PCDHGA11: variants seen among roughly 807,000 people sequenced by gnomAD.
PCDHGA11 encodes the protein protocadherin gamma subfamily A, 11, also known as protocadherin gamma-A11.
PCDHGA11 carries 39 observed loss-of-function variants against 60.4 expected under a neutral mutation model. That is an observed-to-expected ratio of 0.65 (90% CI 0.50 to 0.84). The LOEUF (loss-of-function observed/expected upper bound fraction) is 0.84. Ranked by LOEUF, PCDHGA11 falls within the 40% of genes least tolerant of loss-of-function variation. PCDHGA11 has a pLI of 0.00. For synonymous variants in PCDHGA11, 533 were observed against 510.3 expected, an observed-to-expected ratio of 1.04 and a Z score of -0.60; for missense variants, 1,165 against 1,197.7, an observed-to-expected ratio of 0.97 and a Z score of 0.40.
At position 141,476,746 on chromosome 5, in the gene PCDHGA11, C is replaced by A; in HGVS notation, c.2434-18061C>A. 1 of 1,614,068 alleles carries A rather than the reference C, an allele frequency of 6.2e-7. No homozygotes were observed. On this transcript the variant is annotated intron_variant, in intron 1 of 3. Transcript: ENST00000398587. The surrounding 1 kb of genome is among the most constrained non-coding windows in gnomAD (Gnocchi z 7.6). ...TGGACCGAGAACGGGAGCCTAGTCT[C>A]CAGTTAGTGCTGACGGCGTTGGACG...
chr5:141,467,055 CTTTT>C (rs1193465269), intron 1 of PCDHGA11, among the ~76,000 whole-genome samples: 5 of 134,484 alleles, frequency 3.7e-5, no homozygotes, highest in Non-Finnish European at 4.9e-5. Context: ...TCAATGTTTT[CTTTT>C]TTTTTTTTTT....
Position 141,505,463 on chromosome 5 carries a change from A to G in PCDHGA11, c.2563A>G (p.Ile855Val). 1 of 1,614,184 alleles carries G rather than the reference A, an allele frequency of 6.2e-7. No homozygotes were observed. Among genetic ancestry groups the G allele is most frequent in the East Asian group, 2.2e-5 (1 of 44,876 alleles). Residue 855 changes from isoleucine to valine, a missense_variant, in exon 3 of 4, where the codon ATC (isoleucine) becomes GTC (valine). Ile to Val is a conservative substitution (Grantham distance 29). Transcript: ENST00000398587. Reference protein sequence around the residue: ...QFDTEMLQAMILASASEAADG... With the variant: ...QFDTEMLQAMVLASASEAADG... ...TGACACAGAGATGCTGCAAGCCATG[A>G]TCTTGGCGTCCGCCAGTGGTAAGTG...
Position 141,431,335 on chromosome 5 carries a change from C to G in PCDHGA11, c.2433+7675C>G, listed in dbSNP as rs747132346. On this transcript the variant is annotated intron_variant, in intron 1 of 3. Transcript: ENST00000398587. The surrounding 1 kb of genome is among the most constrained non-coding windows in gnomAD (Gnocchi z 4.8). ...ATGGAGCCGACGGTAGTAAGTACCC[C>G]GAATTGGTGCTGAAACGCGCCCTGG... 2 of 1,614,062 alleles carry G rather than the reference C, an allele frequency of 1.2e-6. No homozygotes were observed. Among genetic ancestry groups the G allele is most frequent in the Non-Finnish European group, 1.7e-6 (2 of 1,180,022 alleles).
chr5:141,481,913 CAAAAAAAA>C (rs34114744), intron 1 of PCDHGA11, among the ~76,000 whole-genome samples: 1 of 90,852 alleles, frequency 1.1e-5, no homozygotes, highest in African/African-American at 4.2e-5. Flanking sequence ...AACTCCATCT[CAAAAAAAA>C]AAAAAAAAAA....
rs1292747996 is a variant in PCDHGA11, at chr5:141,475,972, T to C, written c.2434-18835T>C. 2.0e-5 allele frequency: 19 copies of C among 963,712 alleles called. No individual in the cohort carries two copies. In the East Asian group the frequency reaches 3.4e-4, roughly 17 times the overall value. The allele number at this position is 963,712 out of a possible 1,614,324, so 59.7% of individuals were successfully genotyped here. A position where few individuals can be genotyped will look rare whatever the true frequency, so the allele number is the denominator to read the frequency against. ...CTGCGCCCCGGGATGAGGCAGAGAC[T>C]GAACAGCCGGCGAGCAAATCAACGG... On this transcript the variant is annotated intron_variant, in intron 1 of 3. Transcript: ENST00000398587.
In PCDHGA11 at chr5:141,422,103, A is replaced by C; in HGVS notation, c.876A>C (p.Ile292=). 6.2e-7 allele frequency: 1 copy of C among 1,608,206 alleles called. No homozygotes were observed. The highest frequency in any genetic ancestry group is 1.7e-5 in the Admixed American group (1 of 58,300). ...FRNMESKASE[I]FQLDSQTGEV... is the part of the protein sequence containing the mutation. ...ACATGGAAAGCAAGGCTTCTGAAAT[A>C]TTCCAATTGGATTCACAAACTGGAG... The change falls in exon 1 of 4, where the codon ATA becomes ATC. Residue 292 remains isoleucine, a synonymous_variant. Transcript: ENST00000398587.
At position 141,421,815 on chromosome 5, in the gene PCDHGA11, A is replaced by C. The variant is rs746563152; in HGVS notation, c.588A>C (p.Val196=). ...ATGGGGCCAAGAATCCAGAGCTAGTACTGGAGGGAAGCCTGGACCGAGAGA... is the reference window on the plus strand; with the variant it reads ...ATGGGGCCAAGAATCCAGAGCTAGTCCTGGAGGGAAGCCTGGACCGAGAGA... ...RTDGAKNPEL[V]LEGSLDREKE... Residue 196 remains valine (V), a synonymous_variant, in exon 1 of 4, where the codon GTA becomes GTC. Coordinates refer to ENST00000398587, the MANE Select transcript of PCDHGA11 (RefSeq NM_018914.3). 4 of 1,613,764 alleles carry C rather than the reference A, an allele frequency of 2.5e-6. No individual in the cohort carries two copies. The South Asian group carries it at 3.3e-5, about 13-fold the overall frequency.
intron 1 of PCDHGA11, among the ~76,000 whole-genome samples, chr5:141,445,814 T>C (rs1554133709): frequency 6.6e-6 from 1 of 152,182 alleles, no homozygotes; most frequent in Non-Finnish European, 1.5e-5. Context: ...TAGATGAAAC[T>C]AATAAGGCAG....
Position 141,422,043 on chromosome 5 carries a change from G to A in PCDHGA11, c.816G>A (p.Glu272=), listed in dbSNP as rs1307532347. The change falls in exon 1 of 4, where the codon GAG becomes GAA. Residue 272 remains glutamate, a synonymous_variant. Coordinates refer to ENST00000398587, the MANE Select transcript of PCDHGA11 (RefSeq NM_018914.3). ...VLMVNATDPD[E]GINGEVMYSF... ...TGGTTAATGCAACGGATCCAGACGA[G>A]GGAATCAACGGGGAAGTAATGTATT... The A allele has an allele frequency of 8.1e-6, 13 of 1,611,504 alleles. No homozygotes were observed. The highest frequency in any genetic ancestry group is 1.3e-5 in the African/African-American group (1 of 74,870).
intron 2 of PCDHGA11, among the ~76,000 whole-genome samples, chr5:141,495,107 AC>A (rs1422274779): frequency 1.3e-5 from 2 of 152,048 alleles, no homozygotes; most frequent in Non-Finnish European, 2.9e-5. Context: ...CACGACCGGC[AC>A]CTTTTCCTAT....
chr5:141,439,445 G>T (rs1030957687), intron 1 of PCDHGA11, among the ~76,000 whole-genome samples: 1 of 152,102 alleles, frequency 6.6e-6, no homozygotes, highest in Non-Finnish European at 1.5e-5. Context: ...ATTTTATTGC[G>T]GGAGCAAGAC....
At chr5:141,428,552 T>TC in intron 1 of PCDHGA11, 2 of 244,422 alleles carry the variant, frequency 8.2e-6, no homozygotes, top group African/African-American at 2.2e-5. Context: ...CCAGAAACAG[T>TC]CCCCCCACAA....
At chr5:141,466,275 A>G (rs1163982252) in intron 1 of PCDHGA11, among the ~76,000 whole-genome samples, 1 of 152,112 alleles carries the variant, frequency 6.6e-6, no homozygotes. Context: ...AGCTCAAGCA[A>G]TCTTCCCACC....
In PCDHGA11 at chr5:141,431,501, C is replaced by G; in HGVS notation, c.2433+7841C>G. On this transcript the variant is annotated intron_variant, in intron 1 of 3. Coordinates refer to ENST00000398587, the MANE Select transcript of PCDHGA11 (RefSeq NM_018914.3). This position sits in a 1 kb window ranked among gnomAD's most constrained non-coding sequence, Gnocchi z 4.8. ...ACCAGCGTTTGCTCAGCCCGAGTAC[C>G]GCGCGAGCGTTCCGGAGAATCTGGC... is the stretch of plus-strand genomic sequence containing the variant. 1 of 1,614,010 alleles carries G rather than the reference C, an allele frequency of 6.2e-7. No homozygotes were observed. The highest frequency in any genetic ancestry group is 8.5e-7 in the Non-Finnish European group (1 of 1,180,034).
Position 141,485,943 on chromosome 5 carries a change from C to A in PCDHGA11, c.2434-8864C>A, listed in dbSNP as rs750871245. The A allele has an allele frequency of 1.9e-6, 3 of 1,614,126 alleles. No individual in the cohort carries two copies. Among genetic ancestry groups the A allele is most frequent in the Non-Finnish European group, 1.7e-6 (2 of 1,180,012 alleles). ...ATTAGTGTGTTGGAGAGCGCACCAG[C>A]GGGCATGGTGCTCATCCAGCTCAAT... is the stretch of plus-strand genomic sequence containing the variant. On this transcript the variant is annotated intron_variant, in intron 1 of 3. Coordinates refer to ENST00000398587, the MANE Select transcript of PCDHGA11 (RefSeq NM_018914.3). The surrounding 1 kb of genome is among the most constrained non-coding windows in gnomAD (Gnocchi z 5.7).
chr5:141,495,644 A>C (rs767670166), intron 2 of PCDHGA11, among the ~76,000 whole-genome samples: 1 of 151,770 alleles, frequency 6.6e-6, no homozygotes, highest in African/African-American at 2.4e-5. Flanking sequence ...TCATTTGTCT[A>C]CTTGCATTGA....
At chr5:141,461,456 T>C (rs12186717) in intron 1 of PCDHGA11, among the ~76,000 whole-genome samples, 42,391 of 152,030 alleles carry the variant, frequency 0.28, 6,631 homozygotes, top group African/African-American at 0.43. Context: ...AATGGCTATT[T>C]GTGTCCTTTG....
chr5:141,504,583 A>G (rs1230825472), intron 2 of PCDHGA11, among the ~76,000 whole-genome samples: 1 of 146,622 alleles, frequency 6.8e-6, no homozygotes, highest in African/African-American at 2.5e-5. Flanking sequence ...CCATCTGCCC[A>G]GGATTCACAG....
chr5:141,441,937 C>T, intron 1 of PCDHGA11: 1 of 344,792 alleles, frequency 2.9e-6, no homozygotes, highest in Non-Finnish European at 5.6e-6. Context: ...GCTGTCCTAC[C>T]ACGTGCTGCA....
Sources: allele counts gnomAD v4.1 joint callset (sites outside exome capture counted in the v4.1 genomes callset), GRCh38; gene constraint gnomAD v4.1.1; non-coding constraint Gnocchi (gnomAD v3.1); transcripts MANE v1.5; gene names NCBI Gene and HGNC (gene_info 2026-07-23, HGNC 2026-07-21).